The following IRAK3 variants were observed in gnomAD, a reference collection of about 807,000 sequenced individuals.
The protein encoded by IRAK3 is interleukin-1 receptor-associated kinase 3.
IRAK3 carries 57 observed loss-of-function variants against 56.6 expected under a neutral mutation model. That is an observed-to-expected ratio of 1.01 (90% CI 0.81 to 1.26). The LOEUF is 1.26. IRAK3 is among the 50% of genes most tolerant of loss of function. The pLI is 0.00. For missense variants in IRAK3, 703 were observed against 719.0 expected (o/e 0.98, Z 0.25); for synonymous variants, 258 against 255.7 (o/e 1.01, Z -0.09).
chr12:66,243,691 G>T (rs950031964), intron 8 of IRAK3, among the ~76,000 whole-genome samples: 1 of 152,180 alleles, frequency 6.6e-6, no homozygotes, highest in Admixed American at 6.5e-5. Context: ...GAGGAGAGAG[G>T]GCACTGAGGC....
intron 6 of IRAK3, among the ~76,000 whole-genome samples, chr12:66,221,956 G>T (rs1289278302): frequency 6.6e-6 from 1 of 152,190 alleles, no homozygotes; most frequent in Non-Finnish European, 1.5e-5. Flanking sequence ...TTGAACCCGG[G>T]AGGCGGAGGT....
chr12:66,218,430 A>G (rs183178062), intron 6 of IRAK3, among the ~76,000 whole-genome samples: 2 of 152,282 alleles, frequency 1.3e-5, no homozygotes, highest in East Asian at 3.9e-4. Flanking sequence ...ATAAATTCTC[A>G]TAAATAAAAT....
Position 66,203,902 on chromosome 12 carries a change from T to C in IRAK3, c.316+9T>C, listed in dbSNP as rs760750929. 2.8e-5 allele frequency: 45 copies of C among 1,607,226 alleles called. No homozygotes were observed. The highest frequency in any genetic ancestry group is 3.8e-5 in the Non-Finnish European group (45 of 1,173,814). On this transcript the variant is annotated intron_variant, in intron 2 of 11. Transcript: ENST00000261233. ...TTTAATTACAAACTATGGTAAATGCTGATTCTTATAATGTGGCTCTTAATC... is the reference window on the plus strand; with the variant it reads ...TTTAATTACAAACTATGGTAAATGCCGATTCTTATAATGTGGCTCTTAATC...
intron 8 of IRAK3, among the ~76,000 whole-genome samples, chr12:66,241,781 C>T (rs965400032): frequency 1.3e-5 from 2 of 152,198 alleles, no homozygotes; most frequent in Non-Finnish European, 2.9e-5. Context: ...CTTTCACTGA[C>T]CCAAAGTCCT....
At chr12:66,237,536 A>G (rs1023378871) in intron 8 of IRAK3, among the ~76,000 whole-genome samples, 1 of 152,224 alleles carries the variant, frequency 6.6e-6, no homozygotes, top group Non-Finnish European at 1.5e-5. Flanking sequence ...TCAGTTAACT[A>G]TAGTAAATCA....
intron 1 of IRAK3, chr12:66,197,565 G>A: frequency 2.0e-6 from 2 of 985,412 alleles, no homozygotes; most frequent in Non-Finnish European, 2.4e-6. Context: ...GTTGGAAAAA[G>A]AGAAAACATA....
chr12:66,250,635 T>A lies in IRAK3; in HGVS notation c.*2464T>A, dbSNP rs192683341. On this transcript the variant is annotated 3_prime_UTR_variant, in exon 12 of 12. Coordinates refer to ENST00000261233, the MANE Select transcript of IRAK3 (RefSeq NM_007199.3). ...GTTAAACTGTTTTTCACTTAGAATATGGACCCCCACCAATACATTCAATGA... is the reference window on the plus strand; with the variant it reads ...GTTAAACTGTTTTTCACTTAGAATAAGGACCCCCACCAATACATTCAATGA... The A allele has an allele frequency of 6.6e-6, 1 of 152,376 alleles. No individual in the cohort carries two copies. Among genetic ancestry groups the A allele is most frequent in the East Asian group, 1.9e-4 (1 of 5,194 alleles). The allele number at this position is 152,376 out of a possible 1,614,324, so 9.4% of individuals were successfully genotyped here.
At chr12:66,210,014 G>A in intron 3 of IRAK3, 133 bp from the exon 4 acceptor site, 3 of 630,676 alleles carry the variant, frequency 4.8e-6, no homozygotes, top group Admixed American at 3.0e-5. Flanking sequence ...TTTGATTTCT[G>A]CTAGCTTTCT....
chr12:66,231,624 G>T (rs2052844829), intron 8 of IRAK3, among the ~76,000 whole-genome samples: 1 of 152,234 alleles, frequency 6.6e-6, no homozygotes, highest in Admixed American at 6.5e-5. Context: ...CTTGGAAAAA[G>T]TGGGTCATTG....
chr12:66,209,217 C>T lies in IRAK3; in HGVS notation c.317-239C>T, dbSNP rs74744450. 3.9e-5 allele frequency among the ~76,000 whole-genome samples: 6 copies of T among 152,012 alleles called. No individual in the cohort carries two copies. The East Asian group carries it at 9.7e-4, about 24-fold the overall frequency. ...TAAAGTTAATAATAGATTAAGGCAACTACTTATGTTTTAAGTGAACAAAAG... is the reference window on the plus strand; with the variant it reads ...TAAAGTTAATAATAGATTAAGGCAATTACTTATGTTTTAAGTGAACAAAAG... On this transcript the variant is annotated intron_variant, in intron 2 of 11. Transcript: ENST00000261233.
intron 6 of IRAK3, among the ~76,000 whole-genome samples, chr12:66,222,613 A>G (rs1469796218): frequency 1.3e-5 from 2 of 152,018 alleles, no homozygotes; most frequent in African/African-American, 4.8e-5. Context: ...TAATCCTTTT[A>G]TATATTTAAG....
chr12:66,196,161 G>GC (rs2052451237), intron 1 of IRAK3, among the ~76,000 whole-genome samples: 1 of 152,078 alleles, frequency 6.6e-6, no homozygotes, highest in African/African-American at 2.4e-5. Context: ...CTTCAAGGGA[G>GC]CAGGGATATT....
rs2053085154 is a variant in IRAK3 at position 66,250,378 on chromosome 12, C to T, written c.*2207C>T. The T allele has an allele frequency of 6.6e-6, 1 of 152,114 alleles. No individual in the cohort carries two copies. Among genetic ancestry groups the T allele is most frequent in the African/African-American group, 2.4e-5 (1 of 41,424 alleles). The allele number at this position is 152,114 out of a possible 1,614,324, so 9.4% of individuals were successfully genotyped here. A position where few individuals can be genotyped will look rare whatever the true frequency, so the allele number is the denominator to read the frequency against. On this transcript the variant is annotated 3_prime_UTR_variant, in exon 12 of 12. Coordinates refer to ENST00000261233, the MANE Select transcript of IRAK3 (RefSeq NM_007199.3). The stretch of plus-strand genomic sequence containing the variant: ...AGAACAACTAATCAAAGAAGAAAAT[C>T]ATCAGGAATCAGGGTGAGATTAACA...
intron 8 of IRAK3, among the ~76,000 whole-genome samples, chr12:66,238,956 C>T (rs964734218): frequency 1.3e-5 from 2 of 152,166 alleles, no homozygotes. Context: ...ATTGGAGAAA[C>T]GAAGATGTTT....
At chr12:66,204,256 A>G (rs2052536439) in intron 2 of IRAK3, among the ~76,000 whole-genome samples, 1 of 152,228 alleles carries the variant, frequency 6.6e-6, no homozygotes, top group African/African-American at 2.4e-5. Flanking sequence ...AATATTTGAG[A>G]TACAGATCAT....
At chr12:66,217,466 A>G (rs2052688817) in intron 6 of IRAK3, among the ~76,000 whole-genome samples, 1 of 152,204 alleles carries the variant, frequency 6.6e-6, no homozygotes, top group African/African-American at 2.4e-5. Context: ...GTCACAAGGA[A>G]GTAGGTTAAA....
At chr12:66,199,358 C>T (rs1450715891) in intron 1 of IRAK3, among the ~76,000 whole-genome samples, 1 of 152,210 alleles carries the variant, frequency 6.6e-6, no homozygotes, top group Non-Finnish European at 1.5e-5. Context: ...TTCCTGTACT[C>T]ACCCAGAGGC....
chr12:66,241,268 A>G (rs2052966799), intron 8 of IRAK3, among the ~76,000 whole-genome samples: 1 of 152,188 alleles, frequency 6.6e-6, no homozygotes, highest in Non-Finnish European at 1.5e-5. Flanking sequence ...CTTGTGATAA[A>G]GAGTAGAACA....
intron 8 of IRAK3, among the ~76,000 whole-genome samples, chr12:66,242,681 C>T (rs1410856840): frequency 2.0e-5 from 3 of 152,150 alleles, no homozygotes; most frequent in Non-Finnish European, 4.4e-5. Flanking sequence ...ATAAGAGGCC[C>T]TAGAGCTCAG....
Sources: allele counts gnomAD v4.1 joint callset (sites outside exome capture counted in the v4.1 genomes callset), GRCh38; gene constraint gnomAD v4.1.1; transcripts MANE v1.5; gene names NCBI Gene and HGNC (gene_info 2026-07-23, HGNC 2026-07-21).